The following TAF4 variants were observed in gnomAD, a reference collection of about 807,000 sequenced individuals.
TAF4 encodes the protein TATA-box binding protein associated factor 4, also known as transcription initiation factor TFIID subunit 4.
TAF4 carries 9 observed loss-of-function variants against 90.3 expected under a neutral mutation model. The observed-to-expected ratio is 0.10, with a 90% CI of 0.06 to 0.17. The LOEUF (loss-of-function observed/expected upper bound fraction) is 0.17, where lower values mean the gene tolerates loss of function less well. Ranked by LOEUF, TAF4 falls within the 10% of genes least tolerant of loss-of-function variation. TAF4 has a pLI of 1.00. For missense variants in TAF4, 1,351 were observed against 1,370.7 expected, an observed-to-expected ratio of 0.99 and a Z score of 0.23; for synonymous variants, 818 against 638.9, an observed-to-expected ratio of 1.28 and a Z score of -4.23.
At chr20:62,041,628 C>CA (rs1367745991) in intron 1 of TAF4, among the ~76,000 whole-genome samples, 81 of 144,548 alleles carry the variant, frequency 5.6e-4, no homozygotes, top group Non-Finnish European at 9.3e-4. Flanking sequence ...GAATCCATCT[C>CA]AAAAAAAAAA....
At chr20:62,040,043 T>G (rs983927287) in intron 1 of TAF4, among the ~76,000 whole-genome samples, 2 of 152,212 alleles carry the variant, frequency 1.3e-5, no homozygotes, top group African/African-American at 4.8e-5. Flanking sequence ...TGAGACACAA[T>G]GCAAAACAGG....
intron 1 of TAF4, among the ~76,000 whole-genome samples, chr20:62,033,866 C>T (rs555735017): frequency 3.3e-5 from 5 of 151,974 alleles, no homozygotes; most frequent in Admixed American, 3.3e-4. Context: ...CACGGTGAAA[C>T]CCCTTCTCTA....
At chr20:62,000,759 G>A in intron 9 of TAF4, 38 bp from the exon 10 acceptor site, 1 of 1,608,854 alleles carries the variant, frequency 6.2e-7, no homozygotes, top group South Asian at 1.1e-5. Flanking sequence ...AACTGTACAA[G>A]GAATTCATCG....
At chr20:62,016,268 C>G (rs1289264147) in intron 1 of TAF4, among the ~76,000 whole-genome samples, 1 of 152,218 alleles carries the variant, frequency 6.6e-6, no homozygotes, top group Non-Finnish European at 1.5e-5. Flanking sequence ...GGAGTGTCAA[C>G]TTGATTGAAG....
At chr20:61,983,407 A>G (rs908296383) in intron 14 of TAF4, among the ~76,000 whole-genome samples, 1 of 152,210 alleles carries the variant, frequency 6.6e-6, no homozygotes, top group African/African-American at 2.4e-5. Context: ...TGTAATCTCA[A>G]TGCTTTGAAA....
intron 5 of TAF4, among the ~76,000 whole-genome samples, chr20:62,008,595 A>G (rs1055822787): frequency 2.6e-5 from 4 of 152,070 alleles, no homozygotes; most frequent in African/African-American, 9.7e-5. Context: ...AATGTGCCTC[A>G]GCTGGTCTGC....
chr20:62,001,199 A>G (rs1421551785), intron 9 of TAF4, among the ~76,000 whole-genome samples: 1 of 152,198 alleles, frequency 6.6e-6, no homozygotes, highest in Non-Finnish European at 1.5e-5. Context: ...AGACAAGGGC[A>G]TCCCCTCCAG....
intron 1 of TAF4, among the ~76,000 whole-genome samples, chr20:62,018,676 A>G (rs1249108413): frequency 6.6e-6 from 1 of 152,216 alleles, no homozygotes; most frequent in Non-Finnish European, 1.5e-5. Flanking sequence ...GGTCTTTGTG[A>G]GGAATGCAGA....
chr20:62,023,513 C>T (rs907328269), intron 1 of TAF4, among the ~76,000 whole-genome samples: 1 of 151,982 alleles, frequency 6.6e-6, no homozygotes, highest in African/African-American at 2.4e-5. Context: ...TTCGGAAGGC[C>T]GAGGCGGGGA....
chr20:62,065,141 C>T lies in TAF4; in HGVS notation c.670G>A (p.Ala224Thr). The change falls in exon 1 of 15, where the codon GCG becomes ACG. Residue 224 changes from alanine to threonine, a missense_variant. Coordinates refer to ENST00000252996, the MANE Select transcript of TAF4 (RefSeq NM_003185.4). Reference protein sequence around the residue: ...AVSLVNNGPAALLPLPKPAAP... With the variant: ...AVSLVNNGPATLLPLPKPAAP... ...GCGGGCTTGGGCAGCGGCAGCAGCG[C>T]GGCGGGCCCGTTGTTGACCAGGCTG... 2 of 1,188,234 alleles carry T rather than the reference C, an allele frequency of 1.7e-6. No individual in the cohort carries two copies. The highest frequency in any genetic ancestry group is 1.7e-5 in the African/African-American group (1 of 59,534). The allele number at this position is 1,188,234 out of a possible 1,614,324, so 73.6% of individuals were successfully genotyped here. A position where few individuals can be genotyped will look rare whatever the true frequency, so the allele number is the denominator to read the frequency against.
At chr20:62,042,671 G>A (rs972476761) in intron 1 of TAF4, among the ~76,000 whole-genome samples, 1 of 152,256 alleles carries the variant, frequency 6.6e-6, no homozygotes, top group Non-Finnish European at 1.5e-5. Context: ...TACCCAGAGC[G>A]GGTCAGGGAA....
intron 14 of TAF4, among the ~76,000 whole-genome samples, chr20:61,977,215 C>T (rs890451612): frequency 2.7e-5 from 4 of 150,884 alleles, no homozygotes; most frequent in African/African-American, 9.7e-5. Flanking sequence ...GCGCCACACA[C>T]ACACAACACC....
chr20:62,007,637 C>A lies in TAF4; in HGVS notation c.1885-1G>T. 6.3e-7 allele frequency: 1 copy of A among 1,598,074 alleles called. No individual in the cohort carries two copies. Among genetic ancestry groups the A allele is most frequent in the South Asian group, 1.1e-5 (1 of 89,218 alleles). On this transcript the variant is annotated splice_acceptor_variant, in intron 5 of 14. Coordinates refer to ENST00000252996, the MANE Select transcript of TAF4 (RefSeq NM_003185.4). LOFTEE classifies it high-confidence loss of function. Reference sequence around the variant, plus strand: ...AATCTTCTGCTTCTATTTTTCCATCCTTAAAAATAAAATCCATGTTGAAAT... The same window carrying A: ...AATCTTCTGCTTCTATTTTTCCATCATTAAAAATAAAATCCATGTTGAAAT...
At chr20:61,995,091 G>C (rs777576420) in intron 14 of TAF4, among the ~76,000 whole-genome samples, 1 of 152,228 alleles carries the variant, frequency 6.6e-6, no homozygotes, top group Non-Finnish European at 1.5e-5. Flanking sequence ...AAGATGGTCA[G>C]CCAGTAACTC....
intron 14 of TAF4, among the ~76,000 whole-genome samples, chr20:61,977,152 G>A (rs1242422440): frequency 8.6e-5 from 11 of 128,098 alleles, no homozygotes; most frequent in Admixed American, 5.7e-4. Flanking sequence ...CCACACACAC[G>A]ACACCGCCCA....
rs1260355316 is a variant in TAF4, at chr20:62,003,180, C to G, written c.2466G>C (p.Glu822Asp). ...CTTACCGAAACGAACCTCCCCCAGGCTCCTTGAGTTTATTTTTCTGTGCAG... is the reference window on the plus strand; with the variant it reads ...CTTACCGAAACGAACCTCCCCCAGGGTCCTTGAGTTTATTTTTCTGTGCAG... ...AAAAQKNKLK[E>D]PGGGSFRDDD... The change falls in exon 9 of 15, where the codon GAG (glutamate) becomes GAC (aspartate). Residue 822 changes from glutamate to aspartate, a missense_variant. Glu to Asp is a conservative substitution (Grantham distance 45, BLOSUM62 2). Around this residue, in one of 9 missense-constraint regions of TAF4, gnomAD observed 202 missense variants for 229.7 expected, o/e 0.88. Coordinates refer to ENST00000252996, the MANE Select transcript of TAF4 (RefSeq NM_003185.4). The G allele has an allele frequency of 3.1e-6, 5 of 1,614,068 alleles. No homozygotes were observed. Among genetic ancestry groups the G allele is most frequent in the Non-Finnish European group, 4.2e-6 (5 of 1,180,038 alleles).
rs184431763 is a variant in TAF4 at position 62,062,927 on chromosome 20, T to C, written c.1360+1524A>G. Among the ~76,000 whole-genome samples, 762 of 152,334 alleles carry C rather than the reference T, an allele frequency of 5.0e-3. 2 individuals are homozygous for C. The highest frequency in any genetic ancestry group is 6.6e-3 in the Non-Finnish European group (446 of 68,036). On this transcript the variant is annotated intron_variant, in intron 1 of 14. Transcript: ENST00000252996. ...CGTGGGACCTCTGGAAAAACATTTT[T>C]ATAAATAAAGCATTGTGACAGTTTA...
intron 1 of TAF4, among the ~76,000 whole-genome samples, chr20:62,022,781 C>A (rs751482661): frequency 2.0e-5 from 3 of 152,194 alleles, no homozygotes; most frequent in Non-Finnish European, 2.9e-5. Context: ...TGCTGCCCGG[C>A]GCAGGCGCTA....
At chr20:61,990,466 A>G (rs1356467511) in intron 14 of TAF4, among the ~76,000 whole-genome samples, 1 of 152,242 alleles carries the variant, frequency 6.6e-6, no homozygotes, top group Non-Finnish European at 1.5e-5. Flanking sequence ...GCCAGCGGAC[A>G]ATCTTTAGAA....
Sources: allele counts gnomAD v4.1 joint callset (sites outside exome capture counted in the v4.1 genomes callset), GRCh38; gene constraint gnomAD v4.1.1; regional missense constraint gnomAD v4.1.1; transcripts MANE v1.5; gene names NCBI Gene and HGNC (gene_info 2026-07-23, HGNC 2026-07-21).